The following SLIT2 variants were observed in gnomAD, a reference collection of about 807,000 sequenced individuals.
SLIT2 encodes the protein slit homolog 2 protein.
Under a neutral mutation model 185.7 loss-of-function variants are expected in SLIT2, and 41 were observed. That is an observed-to-expected ratio of 0.22 (90% CI 0.17 to 0.29). SLIT2 has a LOEUF of 0.29. SLIT2 is among the 10% of genes least tolerant of loss of function. The pLI is 1.00. For missense variants in SLIT2, 1,571 were observed against 1,909.0 expected, an observed-to-expected ratio of 0.82 and a Z score of 3.30; for synonymous variants, 693 against 680.2, an observed-to-expected ratio of 1.02 and a Z score of -0.29.
chr4:20,400,623 G>C (rs1726272346), intron 4 of SLIT2, among the ~76,000 whole-genome samples: 2 of 151,576 alleles, frequency 1.3e-5, no homozygotes, highest in South Asian at 4.2e-4. Flanking sequence ...ATAAAATAGA[G>C]ATGGAAATTG....
At chr4:20,385,898 C>T (rs1724896006) in intron 4 of SLIT2, among the ~76,000 whole-genome samples, 1 of 152,068 alleles carries the variant, frequency 6.6e-6, no homozygotes, top group African/African-American at 2.4e-5. Flanking sequence ...TGTTTTTCTA[C>T]TTGTGGTTGC....
chr4:20,542,420 TA>T, intron 20 of SLIT2, 73 bp from the exon 21 acceptor site: 1 of 1,386,984 alleles, frequency 7.2e-7, no homozygotes, highest in Non-Finnish European at 1.0e-6. Flanking sequence ...TAAGTTAATT[TA>T]AAGGCATAAA....
At chr4:20,533,009 C>A (rs1019792331) in intron 17 of SLIT2, among the ~76,000 whole-genome samples, 1 of 152,138 alleles carries the variant, frequency 6.6e-6, no homozygotes. Flanking sequence ...CAGTTGACCT[C>A]AACTAGATAC....
At chr4:20,407,516 G>A (rs1053308464) in intron 4 of SLIT2, among the ~76,000 whole-genome samples, 3 of 151,996 alleles carry the variant, frequency 2.0e-5, no homozygotes, top group Non-Finnish European at 4.4e-5. Context: ...CCATCTCTTC[G>A]ACTACCCTCC....
At chr4:20,599,035 C>G (rs1197466178) in intron 33 of SLIT2, among the ~76,000 whole-genome samples, 1 of 152,112 alleles carries the variant, frequency 6.6e-6, no homozygotes, top group Non-Finnish European at 1.5e-5. Context: ...CCATTCATAC[C>G]TCAGAGGTTT....
chr4:20,519,123 C>T (rs563270057), intron 11 of SLIT2, among the ~76,000 whole-genome samples: 14 of 152,148 alleles, frequency 9.2e-5, no homozygotes, highest in Non-Finnish European at 1.3e-4. Flanking sequence ...TTCTATGAAA[C>T]GGCAATGCAA....
At chr4:20,271,402 T>C (rs1713591389) in intron 4 of SLIT2, among the ~76,000 whole-genome samples, 2 of 146,882 alleles carry the variant, frequency 1.4e-5, no homozygotes, top group Non-Finnish European at 3.0e-5. Flanking sequence ...TTATATAATA[T>C]ATAATTATTA....
chr4:20,600,424 TTTTTTTTTTTTTTTTG>T (rs555077466), intron 33 of SLIT2, among the ~76,000 whole-genome samples: 191 of 138,772 alleles, frequency 1.4e-3, no homozygotes, highest in African/African-American at 4.7e-3. Flanking sequence ...TTTTTTTTTT[TTTTTTTTTTTTTTTTG>T]GAGACAGAGT....
chr4:20,356,157 A>G (rs189994898), intron 4 of SLIT2, among the ~76,000 whole-genome samples: 3 of 152,298 alleles, frequency 2.0e-5, no homozygotes, highest in Admixed American at 6.5e-5. Context: ...AGCATAATCA[A>G]TATTAGAACA....
chr4:20,325,316 G>A (rs1399709179), intron 4 of SLIT2, among the ~76,000 whole-genome samples: 5 of 146,874 alleles, frequency 3.4e-5, no homozygotes, highest in African/African-American at 1.3e-4. Flanking sequence ...GACAGCTTTA[G>A]TTTGGTGACC....
chr4:20,479,959 T>C (rs1273008737), intron 5 of SLIT2, among the ~76,000 whole-genome samples: 3 of 152,198 alleles, frequency 2.0e-5, no homozygotes, highest in Admixed American at 1.3e-4. Context: ...AATTAGCATC[T>C]TTTTAAAAAG....
intron 4 of SLIT2, among the ~76,000 whole-genome samples, chr4:20,277,778 C>T (rs1714316124): frequency 2.0e-5 from 3 of 147,940 alleles, no homozygotes; most frequent in Middle Eastern, 3.6e-3. Flanking sequence ...TATATATATA[C>T]ACACACAAAC....
chr4:20,376,584 G>A (rs1299791986), intron 4 of SLIT2, among the ~76,000 whole-genome samples: 1 of 152,040 alleles, frequency 6.6e-6, no homozygotes, highest in African/African-American at 2.4e-5. Flanking sequence ...AAATATGGGT[G>A]AAATGATTTT....
intron 4 of SLIT2, among the ~76,000 whole-genome samples, chr4:20,366,226 C>G (rs1160166940): frequency 3.9e-5 from 6 of 151,998 alleles, no homozygotes; most frequent in Non-Finnish European, 8.8e-5. Flanking sequence ...ACTCTTTATT[C>G]TATATCCCTC....
intron 4 of SLIT2, among the ~76,000 whole-genome samples, chr4:20,375,224 A>G (rs140068659): frequency 3.3e-4 from 50 of 152,150 alleles, no homozygotes; most frequent in African/African-American, 1.2e-3. Flanking sequence ...ACATTCATCC[A>G]CTGAATAATT....
intron 11 of SLIT2, among the ~76,000 whole-genome samples, chr4:20,519,046 T>C (rs1361929712): frequency 2.6e-5 from 4 of 152,220 alleles, no homozygotes; most frequent in African/African-American, 7.2e-5. Flanking sequence ...TTGTCATATA[T>C]AGTGTGCTCT....
chr4:20,415,731 T>C (rs1338448931), intron 4 of SLIT2, among the ~76,000 whole-genome samples: 1 of 152,190 alleles, frequency 6.6e-6, no homozygotes, highest in African/African-American at 2.4e-5. Flanking sequence ...GTGCACTCTT[T>C]CCAGAGAGCA....
intron 4 of SLIT2, among the ~76,000 whole-genome samples, chr4:20,323,390 T>A (rs1577431503): frequency 6.6e-6 from 1 of 152,328 alleles, no homozygotes; most frequent in Non-Finnish European, 1.5e-5. Context: ...AATGTTTATA[T>A]GTGCACACAT....
chr4:20,256,074 C>T (rs1444962361), intron 1 of SLIT2, among the ~76,000 whole-genome samples: 4 of 152,114 alleles, frequency 2.6e-5, no homozygotes, highest in African/African-American at 7.2e-5. Context: ...ACAATCACAG[C>T]GGGGTTCCCT....
Sources: allele counts gnomAD v4.1 joint callset (sites outside exome capture counted in the v4.1 genomes callset), GRCh38; gene constraint gnomAD v4.1.1; transcripts MANE v1.5; gene names NCBI Gene and HGNC (gene_info 2026-07-23, HGNC 2026-07-21).